The following NAALADL2 variants were observed in gnomAD, a reference collection of about 807,000 sequenced individuals.
NAALADL2 encodes the protein N-acetylated alpha-linked acidic dipeptidase like 2, also known as inactive N-acetylated-alpha-linked acidic dipeptidase-like protein 2.
A neutral mutation model predicts 87.2 loss-of-function variants in NAALADL2; 76 were observed. The observed-to-expected ratio is 0.87, with a 90% confidence interval of 0.72 to 1.05. NAALADL2 has a LOEUF of 1.05. Ranked by LOEUF, NAALADL2 falls within the 50% of genes least tolerant of loss-of-function variation. The pLI is 0.00. For synonymous variants in NAALADL2, 354 were observed against 331.0 expected (o/e 1.07, Z -0.75); for missense variants, 1,089 against 945.8 (o/e 1.15, Z -1.99).
intron 9 of NAALADL2, among the ~76,000 whole-genome samples, chr3:175,572,570 T>G (rs1257459883): frequency 6.6e-6 from 1 of 152,186 alleles, no homozygotes; most frequent in Non-Finnish European, 1.5e-5. Flanking sequence ...ATGCTGCCCT[T>G]TTGATTTGCC....
intron 1 of NAALADL2, among the ~76,000 whole-genome samples, chr3:175,087,190 A>G (rs1432213038): frequency 3.9e-5 from 6 of 152,348 alleles, no homozygotes; most frequent in Non-Finnish European, 8.8e-5. Flanking sequence ...CTGCTTAGAT[A>G]ATTATTGAAA....
intron 5 of NAALADL2, among the ~76,000 whole-genome samples, chr3:175,386,211 G>T (rs919956648): frequency 7.0e-6 from 1 of 143,144 alleles, no homozygotes; most frequent in Non-Finnish European, 1.5e-5. Flanking sequence ...CATTGAATTT[G>T]GTTGATAGAT....
chr3:174,850,131 T>C (rs1309193180), intron 3 of NAALADL2, among the ~76,000 whole-genome samples: 1 of 152,176 alleles, frequency 6.6e-6, no homozygotes, highest in Non-Finnish European at 1.5e-5. Context: ...GGAAAGTATT[T>C]CTCCCTCATG....
At chr3:175,756,714 T>A (rs1747311321) in intron 13 of NAALADL2, among the ~76,000 whole-genome samples, 1 of 152,106 alleles carries the variant, frequency 6.6e-6, no homozygotes, top group African/African-American at 2.4e-5. Flanking sequence ...CACTGTTCAC[T>A]ATTTGGGTGA....
chr3:174,930,614 CTTTTTTTTTTT>C (rs760690405), intron 1 of NAALADL2, among the ~76,000 whole-genome samples: 1 of 66,798 alleles, frequency 1.5e-5, no homozygotes, highest in African/African-American at 6.3e-5. Flanking sequence ...ATAAGATGAA[CTTTTTTTTTTT>C]TTTTTTTTTT....
chr3:175,307,492 A>G (rs912313847), intron 4 of NAALADL2, among the ~76,000 whole-genome samples: 1 of 152,188 alleles, frequency 6.6e-6, no homozygotes, highest in African/African-American at 2.4e-5. Context: ...GGAGACATAA[A>G]TATGAAACAT....
intron 3 of NAALADL2, among the ~76,000 whole-genome samples, chr3:174,789,010 G>A (rs1036739473): frequency 5.9e-5 from 9 of 152,198 alleles, no homozygotes; most frequent in African/African-American, 2.2e-4. Context: ...ACTAATGGAG[G>A]AACTAGGTCT....
chr3:175,073,053 T>C (rs1206971869), intron 1 of NAALADL2, among the ~76,000 whole-genome samples: 1 of 152,062 alleles, frequency 6.6e-6, no homozygotes, highest in African/African-American at 2.4e-5. Context: ...TTGTGCCCAT[T>C]CATACTGTTT....
chr3:175,367,466 C>T (rs1304406862), intron 5 of NAALADL2, among the ~76,000 whole-genome samples: 7 of 152,232 alleles, frequency 4.6e-5, no homozygotes, highest in African/African-American at 7.2e-5. Context: ...GCCATTTTCA[C>T]GATACTGATT....
chr3:175,637,921 G>A (rs574819049), intron 11 of NAALADL2, among the ~76,000 whole-genome samples: 2 of 152,178 alleles, frequency 1.3e-5, no homozygotes, highest in Non-Finnish European at 2.9e-5. Context: ...CACCTATAGA[G>A]ATATTACATT....
At chr3:174,848,005 C>CT (rs199978559) in intron 3 of NAALADL2, among the ~76,000 whole-genome samples, 2,984 of 144,432 alleles carry the variant, frequency 0.021, 100 homozygotes, top group African/African-American at 0.067. Context: ...TCTTTTCTCT[C>CT]TCTTTTTTTT....
chr3:174,903,319 G>T (rs1040935897), intron 1 of NAALADL2, among the ~76,000 whole-genome samples: 8 of 152,040 alleles, frequency 5.3e-5, no homozygotes, highest in African/African-American at 1.9e-4. Context: ...AATCTGTAGT[G>T]TTTTAAAGTG....
At chr3:175,418,449 G>GT (rs1201628735) in intron 5 of NAALADL2, among the ~76,000 whole-genome samples, 1 of 152,126 alleles carries the variant, frequency 6.6e-6, no homozygotes, top group African/African-American at 2.4e-5. Context: ...AATTTATAAA[G>GT]TATATTAAAT....
chr3:175,025,361 A>G (rs761538472), intron 1 of NAALADL2, among the ~76,000 whole-genome samples: 5 of 152,158 alleles, frequency 3.3e-5, no homozygotes, highest in African/African-American at 4.8e-5. Context: ...TGGTTGAGAG[A>G]ATCACCTTTA....
At chr3:175,578,361 A>AT (rs1192856525) in intron 10 of NAALADL2, among the ~76,000 whole-genome samples, 1 of 152,080 alleles carries the variant, frequency 6.6e-6, no homozygotes, top group East Asian at 1.9e-4. Context: ...GGAGCCCTGG[A>AT]GGGGGAGGTT....
At chr3:175,056,927 C>T (rs1480302374) in intron 1 of NAALADL2, among the ~76,000 whole-genome samples, 1 of 152,200 alleles carries the variant, frequency 6.6e-6, no homozygotes, top group Non-Finnish European at 1.5e-5. Context: ...GGCATCATGG[C>T]CATCATGTAC....
intron 1 of NAALADL2, among the ~76,000 whole-genome samples, chr3:175,004,160 G>A (rs554458947): frequency 6.6e-6 from 1 of 152,178 alleles, no homozygotes; most frequent in East Asian, 1.9e-4. Flanking sequence ...GCTCATTTGA[G>A]CCCAGGTGTT....
At chr3:175,002,451 T>TA (rs1249577749) in intron 1 of NAALADL2, among the ~76,000 whole-genome samples, 5 of 152,018 alleles carry the variant, frequency 3.3e-5, no homozygotes, top group Non-Finnish European at 5.9e-5. Context: ...TCCTTAAAGC[T>TA]AAAAATGAAG....
chr3:175,098,733 G>A (rs1461256), intron 2 of NAALADL2, among the ~76,000 whole-genome samples: 61,859 of 152,044 alleles, frequency 0.41, 13,024 homozygotes, highest in Non-Finnish European at 0.47. Context: ...AACTGGCTCA[G>A]GATGTTATTA....
Sources: gnomAD v4.1 joint callset for allele counts (sites outside exome capture counted in the v4.1 genomes callset) on GRCh38, gnomAD v4.1.1 for gene constraint, MANE v1.5 for transcripts, NCBI Gene and HGNC (gene_info 2026-07-23, HGNC 2026-07-21) for gene names.